The following DPP4 variants were observed in gnomAD, a reference collection of about 807,000 sequenced individuals.
DPP4 encodes the protein dipeptidyl peptidase 4, also known as ADCP-2.
In DPP4, 93 loss-of-function variants were observed where a neutral mutation model predicts 122.4. That is an observed-to-expected ratio of 0.76 (90% CI 0.64 to 0.90). The LOEUF (loss-of-function observed/expected upper bound fraction) is 0.90. Among genes scored for constraint, DPP4 ranks in the 40% least tolerant of loss-of-function variants. DPP4 has a pLI of 0.00. For missense variants in DPP4, 914 were observed against 907.3 expected (o/e 1.01, Z -0.09); for synonymous variants, 321 against 302.9 (o/e 1.06, Z -0.62).
chr2:162,003,916 T>C (rs969717042), intron 23 of DPP4, among the ~76,000 whole-genome samples: 1 of 152,066 alleles, frequency 6.6e-6, no homozygotes, highest in African/African-American at 2.4e-5. Context: ...CAAGGTGGAA[T>C]AAAATGAGGA....
intron 2 of DPP4, among the ~76,000 whole-genome samples, chr2:162,054,046 C>T (rs1234005475): frequency 2.0e-5 from 3 of 152,156 alleles, no homozygotes; most frequent in Non-Finnish European, 4.4e-5. Flanking sequence ...GGGGGTGGTC[C>T]TCTGAGGCCT....
At chr2:162,040,776 T>A (rs1217568721) in intron 5 of DPP4, among the ~76,000 whole-genome samples, 1 of 152,110 alleles carries the variant, frequency 6.6e-6, no homozygotes, top group Non-Finnish European at 1.5e-5. Context: ...TATATTAATA[T>A]TGGCTCATTT....
At chr2:162,037,908 T>C (rs527416090) in intron 8 of DPP4, among the ~76,000 whole-genome samples, 32 of 152,306 alleles carry the variant, frequency 2.1e-4, no homozygotes, top group African/African-American at 7.7e-4. Context: ...TATATATTAT[T>C]TTATCATCTT....
Position 162,009,234 on chromosome 2 carries a change from T to C in DPP4, c.1887+7A>G. 1 of 1,613,636 alleles carries C rather than the reference T, an allele frequency of 6.2e-7. No homozygotes were observed. The highest frequency in any genetic ancestry group is 1.1e-5 in the South Asian group (1 of 91,076). On this transcript the variant is annotated splice_region_variant and intron_variant, in intron 21 of 25. Transcript: ENST00000360534. Reference sequence around the variant, plus strand: ...AATGCATACAGATTCATCAGTCAACTACTCACCCAGCCCCAAATTGCAATT... The same window carrying C: ...AATGCATACAGATTCATCAGTCAACCACTCACCCAGCCCCAAATTGCAATT...
intron 11 of DPP4, 57 bp from the exon 12 acceptor site, chr2:162,022,856 A>T (rs1233604401): frequency 6.4e-7 from 1 of 1,564,010 alleles, no homozygotes; most frequent in Non-Finnish European, 8.8e-7. Flanking sequence ...TGAAATCTAT[A>T]GCCATAATTT....
chr2:162,016,814 G>T lies in DPP4; in HGVS notation c.1521C>A (p.Val507=), dbSNP rs1682942825. 2 of 1,613,134 alleles carry T rather than the reference G, an allele frequency of 1.2e-6. No homozygotes were observed. The highest frequency in any genetic ancestry group is 1.7e-5 in the Admixed American group (1 of 59,786). The change falls in exon 18 of 26, where the codon GTC becomes GTA. Residue 507 remains valine, a synonymous_variant. Transcript: ENST00000360534. ...AGTCCAGTTTTTTGGAGGGCATCTG[G>T]ACATTCTGCAGCATTTTATCCAAAG... ...NSALDKMLQN[V]QMPSKKLDFI... is the part of the protein sequence containing the mutation.
rs767906659 is a variant in DPP4 at position 162,033,525 on chromosome 2, A to C, written c.887+16T>G. 7.0e-6 allele frequency: 11 copies of C among 1,582,478 alleles called. No homozygotes were observed. The Admixed American group carries it at 1.9e-4, about 28-fold the overall frequency. ...AAAACTGTTTACAAGCCAAGCATTC[A>C]GGACAAGAGTCTTACCCTATCAACA... is the stretch of plus-strand genomic sequence containing the variant. On this transcript the variant is annotated intron_variant, in intron 10 of 25. Coordinates refer to ENST00000360534, the MANE Select transcript of DPP4 (RefSeq NM_001935.4).
At chr2:162,061,710 C>G (rs1252544578) in intron 2 of DPP4, among the ~76,000 whole-genome samples, 1 of 152,102 alleles carries the variant, frequency 6.6e-6, no homozygotes, top group Admixed American at 6.6e-5. Context: ...TGCCTGAGCT[C>G]CAAGATAATT....
At chr2:162,033,131 C>T (rs1026409576) in intron 10 of DPP4, among the ~76,000 whole-genome samples, 3 of 152,194 alleles carry the variant, frequency 2.0e-5, no homozygotes, top group African/African-American at 4.8e-5. Flanking sequence ...CCCTCCTGCT[C>T]TTCACATCAC....
intron 11 of DPP4, 51 bp downstream of exon 11, chr2:162,024,753 C>T: frequency 6.3e-7 from 1 of 1,596,218 alleles, no homozygotes; most frequent in Non-Finnish European, 8.5e-7. Context: ...ACTGCACAGA[C>T]CCTCTGATCA....
Position 162,020,304 on chromosome 2 carries a change from T to C in DPP4, c.1177-8A>G, listed in dbSNP as rs1042197363. 1 of 1,023,964 alleles carries C rather than the reference T, an allele frequency of 9.8e-7. No homozygotes were observed. Among genetic ancestry groups the C allele is most frequent in the Non-Finnish European group, 1.3e-6 (1 of 794,876 alleles). 63.4% of individuals were successfully genotyped at this position (1,023,964 alleles called of 1,614,324 possible). A position where few individuals can be genotyped will look rare whatever the true frequency, so the allele number is the denominator to read the frequency against. ...TGTAATAAATGTGCAGTCCTGATGG[T>C]TTTTTTTTTTTTTCAAAAAAAAAAA... is the stretch of plus-strand genomic sequence containing the variant. On this transcript the variant is annotated splice_polypyrimidine_tract_variant and splice_region_variant and intron_variant, in intron 13 of 25. Coordinates refer to ENST00000360534, the MANE Select transcript of DPP4 (RefSeq NM_001935.4).
chr2:162,061,487 A>G (rs1206456764), intron 2 of DPP4, among the ~76,000 whole-genome samples: 1 of 152,186 alleles, frequency 6.6e-6, no homozygotes, highest in Non-Finnish European at 1.5e-5. Flanking sequence ...TAATCAAGTA[A>G]TTTTATATCT....
chr2:162,050,922 T>C (rs1684360782), intron 2 of DPP4, among the ~76,000 whole-genome samples: 1 of 152,254 alleles, frequency 6.6e-6, no homozygotes, highest in African/African-American at 2.4e-5. Flanking sequence ...GGTCTTTGGC[T>C]GCTTGCATGG....
intron 5 of DPP4, among the ~76,000 whole-genome samples, chr2:162,044,463 T>TGTTGGTGTGTGAGC (rs1559720156): frequency 2.0e-5 from 3 of 151,330 alleles, no homozygotes; most frequent in African/African-American, 4.9e-5. Context: ...GGTGTGTGAG[T>TGTTGGTGTGTGAGC]GTTGGTGTGT....
intron 10 of DPP4, among the ~76,000 whole-genome samples, chr2:162,028,429 C>T (rs1683422019): frequency 6.6e-6 from 1 of 152,172 alleles, no homozygotes; most frequent in Non-Finnish European, 1.5e-5. Flanking sequence ...CCACTTAAAA[C>T]CAGAAAAATC....
Position 162,024,885 on chromosome 2 carries a change from C to T in DPP4, c.942G>A (p.Gln314=), listed in dbSNP as rs751885146. The T allele has an allele frequency of 6.2e-7, 1 of 1,613,954 alleles. No individual in the cohort carries two copies. Among genetic ancestry groups the T allele is most frequent in the Non-Finnish European group, 8.5e-7 (1 of 1,180,026 alleles). The change falls in exon 11 of 26, where the codon CAG becomes CAA. Residue 314 remains glutamine (Q), a synonymous_variant. Coordinates refer to ENST00000360534, the MANE Select transcript of DPP4 (RefSeq NM_001935.4). ...TWATQERISL[Q]WLRRIQNYSV... is the part of the protein sequence containing the mutation. ...AATAGTTCTGAATCCTCCTGAGCCA[C>T]TGCAAAGAAATTCTTTCTTGTGTTG...
chr2:162,019,373 A>T, intron 14 of DPP4, 97 bp from the exon 15 acceptor site: 1 of 831,728 alleles, frequency 1.2e-6, no homozygotes, highest in Non-Finnish European at 1.9e-6. Context: ...GTGTGCACGG[A>T]GCGCGCGCAC....
chr2:162,045,206 C>A (rs921027236), intron 5 of DPP4, among the ~76,000 whole-genome samples: 1 of 152,082 alleles, frequency 6.6e-6, no homozygotes, highest in East Asian at 1.9e-4. Flanking sequence ...AGGGTTCTGT[C>A]ATTAGGTGTA....
At chr2:162,011,260 A>G (rs1444460602) in intron 20 of DPP4, among the ~76,000 whole-genome samples, 2 of 152,162 alleles carry the variant, frequency 1.3e-5, no homozygotes, top group African/African-American at 2.4e-5. Flanking sequence ...CATACGTAAC[A>G]GAGCCCTTAT....
Sources: allele counts gnomAD v4.1 joint callset (sites outside exome capture counted in the v4.1 genomes callset), GRCh38; gene constraint gnomAD v4.1.1; transcripts MANE v1.5; gene names NCBI Gene and HGNC (gene_info 2026-07-23, HGNC 2026-07-21).